OMD: variants seen among roughly 807,000 people sequenced by gnomAD.
The protein encoded by OMD is KSPG osteomodulin.
Under a neutral mutation model 31.2 loss-of-function variants are expected in OMD, and 19 were observed. That is an observed-to-expected ratio of 0.61 (90% confidence interval 0.42 to 0.89). The LOEUF (loss-of-function observed/expected upper bound fraction) is 0.89, where lower values mean the gene tolerates loss of function less well. Ranked by LOEUF, OMD falls within the 40% of genes least tolerant of loss-of-function variation. OMD has a pLI of 0.00. For synonymous variants in OMD, 155 were observed against 166.4 expected (o/e 0.93, Z 0.53); for missense variants, 448 against 490.8 (o/e 0.91, Z 0.82).
rs768011145 is a variant in OMD, at chr9:92,417,289, C to T, written c.270G>A (p.Pro90=). The part of the protein sequence containing the change: ...NRKLKTIPNI[P]MHIQQLYLQF... Reference sequence around the variant, plus strand: ...GAAGGTAGAGTTGCTGAATGTGCATCGGAATATTTGGGATAGTCTTGAGTT... The same window carrying T: ...GAAGGTAGAGTTGCTGAATGTGCATTGGAATATTTGGGATAGTCTTGAGTT... The change falls in exon 2 of 3, where the codon CCG becomes CCA. Residue 90 remains proline, a synonymous_variant. Transcript: ENST00000375550. The T allele has an allele frequency of 1.2e-5, 20 of 1,613,884 alleles. No individual in the cohort carries two copies. Among genetic ancestry groups the T allele is most frequent in the African/African-American group, 5.3e-5 (4 of 74,882 alleles).
chr9:92,417,554 C>A lies in OMD; in HGVS notation c.5G>T (p.Gly2Val), dbSNP rs145087009. Residue 2 changes from glycine (G) to valine (V), a missense_variant, in exon 2 of 3, where the codon GGT becomes GTT. Gly to Val is a moderately radical substitution (Grantham distance 109, BLOSUM62 -3). Coordinates refer to ENST00000375550, the MANE Select transcript of OMD (RefSeq NM_005014.3). ...AATAACATATATTGGACTTAAAAAA[C>A]CCATCTTCTTTTTTTTTTTCCTATT... M[G>V]FLSPIYVIFF... The A allele has an allele frequency of 5.3e-4, 822 of 1,556,512 alleles. 7 individuals carry two copies. The highest frequency in any genetic ancestry group is 7.0e-4 in the Admixed American group (33 of 47,084).
In OMD at chr9:92,416,833, A is replaced by G; in HGVS notation, c.726T>C (p.Asn242=). 1 of 1,613,860 alleles carries G rather than the reference A, an allele frequency of 6.2e-7. No individual in the cohort carries two copies. Among genetic ancestry groups the G allele is most frequent in the Non-Finnish European group, 8.5e-7 (1 of 1,179,852 alleles). Residue 242 remains asparagine, a synonymous_variant, in exon 2 of 3, where the codon AAT becomes AAC. Transcript: ENST00000375550. Reference sequence around the variant, plus strand: ...TTTCGGGTATAGAAGAAATTGAATTATTTTCTAAAGACAGATACATAAGTG... The same window carrying G: ...TTTCGGGTATAGAAGAAATTGAATTGTTTTCTAAAGACAGATACATAAGTG... ...PSSLMYLSLE[N]NSISSIPEKY... is the part of the protein sequence containing the mutation.
At chr9:92,420,370 C>A (rs1843751579) in intron 1 of OMD, among the ~76,000 whole-genome samples, 1 of 152,214 alleles carries the variant, frequency 6.6e-6, no homozygotes, top group Admixed American at 6.5e-5. Context: ...CCTAAACTTT[C>A]TGGCTCCTTC....
At chr9:92,421,289 C>A (rs918115954) in intron 1 of OMD, among the ~76,000 whole-genome samples, 2 of 152,202 alleles carry the variant, frequency 1.3e-5, no homozygotes, top group African/African-American at 4.8e-5. Context: ...GTCTGCCCCC[C>A]TCAGCCTCCC....
chr9:92,420,337 T>C (rs1011091807), intron 1 of OMD, among the ~76,000 whole-genome samples: 14 of 152,198 alleles, frequency 9.2e-5, no homozygotes, highest in Non-Finnish European at 2.1e-4. Flanking sequence ...AGTTGATCAC[T>C]ATCGTTGCTC....
intron 1 of OMD, among the ~76,000 whole-genome samples, chr9:92,422,526 T>G (rs1843838352): frequency 6.6e-6 from 1 of 152,100 alleles, no homozygotes; most frequent in South Asian, 2.1e-4. Flanking sequence ...ATAAAGAGGT[T>G]TTTAATATTG....
At chr9:92,422,749 C>A (rs1472776700) in intron 1 of OMD, among the ~76,000 whole-genome samples, 1 of 152,124 alleles carries the variant, frequency 6.6e-6, no homozygotes, top group African/African-American at 2.4e-5. Flanking sequence ...ATTTTCTATG[C>A]CTCTTGCTCT....
chr9:92,417,343 A>C lies in OMD; in HGVS notation c.216T>G (p.Phe72Leu). 6.2e-7 allele frequency: 1 copy of C among 1,614,054 alleles called. No individual in the cohort carries two copies. The highest frequency in any genetic ancestry group is 8.5e-7 in the Non-Finnish European group (1 of 1,179,956). The change falls in exon 2 of 3, where the codon TTT becomes TTG. Residue 72 changes from phenylalanine (F) to leucine (L), a missense_variant. Coordinates refer to ENST00000375550, the MANE Select transcript of OMD (RefSeq NM_005014.3). ...GATTATCACAGTACATTGATGATGG[A>C]AAGTTAGTTGGACAGAAGCATTCAC... ...CVSECFCPTN[F>L]PSSMYCDNRK...
Position 92,417,557 on chromosome 9 carries a change from ATCT to A in OMD, c.-2_1del, listed in dbSNP as rs749914212. ...AACATATATTGGACTTAAAAAACCCATCTTCTTTTTTTTTTTCCTATTGCAAGG... is the reference window on the plus strand; with the variant it reads ...AACATATATTGGACTTAAAAAACCCATCTTTTTTTTTTTCCTATTGCAAGG... On this transcript the variant is annotated start_lost and start_retained_variant and 5_prime_UTR_variant, in exon 2 of 3. Coordinates refer to ENST00000375550, the MANE Select transcript of OMD (RefSeq NM_005014.3). The A allele has an allele frequency of 1.4e-5, 22 of 1,550,810 alleles. No homozygotes were observed. Among genetic ancestry groups the A allele is most frequent in the Non-Finnish European group, 1.8e-5 (21 of 1,151,990 alleles).
intron 1 of OMD, among the ~76,000 whole-genome samples, chr9:92,423,165 T>C (rs752580345): frequency 3.3e-5 from 5 of 152,214 alleles, no homozygotes; most frequent in Non-Finnish European, 5.9e-5. Context: ...TTCTATTGAA[T>C]ATTTCTTCAT....
Position 92,415,263 on chromosome 9 carries a change from ATC to A in OMD, c.1153_1154del (p.Asp385Ter). The A allele has an allele frequency of 6.2e-7, 1 of 1,613,730 alleles. No homozygotes were observed. The highest frequency in any genetic ancestry group is 8.5e-7 in the Non-Finnish European group (1 of 1,179,744). ...CGTGATCTTCACTTTCATCATCATC[ATC>A]TGGAAATCTCCTGAAAACTTGTGTC... ...LKTQVFRRFPDDDDESEDHDD... is the reference protein window; with the variant it reads ...LKTQVFRRFPXDDDESEDHDD... On this transcript the variant is annotated frameshift_variant, in exon 3 of 3. Transcript: ENST00000375550. LOFTEE classifies it high-confidence loss of function.
chr9:92,415,578 GTTAA>G (rs1843568342), intron 2 of OMD, 101 bp from the exon 3 acceptor site: 1 of 492,984 alleles, frequency 2.0e-6, no homozygotes. Context: ...ATATAATTCT[GTTAA>G]TTAAAATATT....
intron 2 of OMD, 136 bp from the exon 3 acceptor site, chr9:92,415,613 C>CT (rs1274213028): frequency 1.0e-5 from 4 of 399,810 alleles, no homozygotes; most frequent in Non-Finnish European, 1.7e-5. Context: ...ATTAGGTTTC[C>CT]TTTTTATATT....
chr9:92,424,049 G>A (rs1442672802), intron 1 of OMD, among the ~76,000 whole-genome samples, 153 bp downstream of exon 1: 1 of 151,994 alleles, frequency 6.6e-6, no homozygotes, highest in Non-Finnish European at 1.5e-5. Context: ...CTAATCAAAA[G>A]TTTAACATAA....
At chr9:92,423,534 T>C (rs958574779) in intron 1 of OMD, among the ~76,000 whole-genome samples, 6 of 152,100 alleles carry the variant, frequency 3.9e-5, no homozygotes, top group African/African-American at 1.2e-4. Context: ...ATTTAGATTT[T>C]TCCAAAAAAG....
rs1588112115 is a variant in OMD at position 92,413,339 on chromosome 9, A to G, written c.*1813T>C. Among the ~76,000 whole-genome samples, 2 of 152,224 alleles carry G rather than the reference A, an allele frequency of 1.3e-5. No individual in the cohort carries two copies. The highest frequency in any genetic ancestry group is 6.8e-3 in the Middle Eastern group (2 of 294). ...CCATACTGCTTTTCTAAGCAGCTGC[A>G]GTATTTACACTCCTTCCAAAGGTGT... On this transcript the variant is annotated 3_prime_UTR_variant, in exon 3 of 3. Transcript: ENST00000375550.
intron 2 of OMD, among the ~76,000 whole-genome samples, chr9:92,416,098 ATTTTATTT>A (rs1462308076): frequency 1.5e-5 from 2 of 133,528 alleles, no homozygotes; most frequent in African/African-American, 6.0e-5. Flanking sequence ...TTATTTATTT[ATTTTATTT>A]TTTTTTTTTT....
rs199788454 is a variant in OMD at position 92,417,295 on chromosome 9, A to G, written c.264T>C (p.Asn88=). The G allele has an allele frequency of 1.2e-4, 187 of 1,614,068 alleles. No individual in the cohort carries two copies. Among genetic ancestry groups the G allele is most frequent in the South Asian group, 8.3e-4 (76 of 91,074 alleles). The change falls in exon 2 of 3, where the codon AAT becomes AAC. Residue 88 remains asparagine (N), a synonymous_variant. Transcript: ENST00000375550. The stretch of plus-strand genomic sequence containing the variant: ...AGAGTTGCTGAATGTGCATCGGAAT[A>G]TTTGGGATAGTCTTGAGTTTGCGAT... The part of the protein sequence containing the change: ...CDNRKLKTIP[N]IPMHIQQLYL...
Position 92,414,858 on chromosome 9 carries a change from C to A in OMD, c.*294G>T. The A allele has an allele frequency of 3.8e-6, 1 of 262,526 alleles. No homozygotes were observed. The highest frequency in any genetic ancestry group is 7.2e-6 in the Non-Finnish European group (1 of 139,208). The allele number at this position is 262,526 out of a possible 1,614,324, so 16.3% of individuals were successfully genotyped here. A position where few individuals can be genotyped will look rare whatever the true frequency, so the allele number is the denominator to read the frequency against. On this transcript the variant is annotated 3_prime_UTR_variant, in exon 3 of 3. Coordinates refer to ENST00000375550, the MANE Select transcript of OMD (RefSeq NM_005014.3). ...TTACTGTTAATAGAAATGATACACT[C>A]ACTTTCTTTAACATGATATTTCTAT...
Sources: gnomAD v4.1 joint callset for allele counts (sites outside exome capture counted in the v4.1 genomes callset) on GRCh38, gnomAD v4.1.1 for gene constraint, MANE v1.5 for transcripts, NCBI Gene and HGNC (gene_info 2026-07-23, HGNC 2026-07-21) for gene names.